Variants in COLEC12 observed in about 807,000 individuals in gnomAD.
COLEC12 encodes collectin subfamily member 12.
Under a neutral mutation model 71.1 loss-of-function variants are expected in COLEC12, and 33 were observed. The observed-to-expected ratio is 0.46, with a 90% CI of 0.35 to 0.62. COLEC12 has a LOEUF of 0.62. Among genes scored for constraint, COLEC12 ranks in the 20% least tolerant of loss-of-function variants. COLEC12 has a pLI of 0.00. For missense variants in COLEC12, 765 were observed against 916.1 expected, an observed-to-expected ratio of 0.84 and a Z score of 2.13; for synonymous variants, 350 against 353.0, an observed-to-expected ratio of 0.99 and a Z score of 0.10.
intron 2 of COLEC12, among the ~76,000 whole-genome samples, chr18:389,598 T>A (rs571813396): frequency 8.6e-5 from 13 of 151,682 alleles, no homozygotes; most frequent in East Asian, 3.9e-4. Flanking sequence ...GCAATTTTTT[T>A]AAAAAAAGAT....
chr18:481,427 G>A (rs778795651), intron 1 of COLEC12, among the ~76,000 whole-genome samples: 11 of 152,322 alleles, frequency 7.2e-5, no homozygotes, highest in Non-Finnish European at 1.2e-4. Context: ...GATGTCGGCC[G>A]GGCGCAGTGG....
intron 2 of COLEC12, among the ~76,000 whole-genome samples, chr18:440,704 C>A (rs1404743536): frequency 6.6e-6 from 1 of 152,128 alleles, no homozygotes; most frequent in Non-Finnish European, 1.5e-5. Flanking sequence ...ATTCAGAGGG[C>A]CAACTGCAAT....
In COLEC12 at chr18:319,883, G is replaced by C. The variant is rs1567871317; in HGVS notation, c.*162C>G. On this transcript the variant is annotated 3_prime_UTR_variant, in exon 10 of 10. Transcript: ENST00000400256. ...AACATTTTAGTTCCCAAGTCTTTGG[G>C]TAATGACGGATGGTAAAAAACACTA... 2 of 638,730 alleles carry C rather than the reference G, an allele frequency of 3.1e-6. No individual in the cohort carries two copies. The highest frequency in any genetic ancestry group is 5.6e-6 in the Non-Finnish European group (2 of 358,920). 39.6% of individuals were successfully genotyped at this position (638,730 alleles called of 1,614,324 possible).
rs1428239643 is a variant in COLEC12, at chr18:410,798, AT to A, written c.59-53277del. 6.6e-5 allele frequency among the ~76,000 whole-genome samples: 10 copies of A among 152,272 alleles called. No individual in the cohort carries two copies. The East Asian group carries it at 1.7e-3, about 26-fold the overall frequency. On this transcript the variant is annotated intron_variant, in intron 2 of 9. Transcript: ENST00000400256. ...GCCAAAGAGCACAGACAAAAAAAAA[AT>A]ATCCGAAAAAAGCTCATCTCTTCAG...
chr18:409,657 C>T (rs1443085365), intron 2 of COLEC12, among the ~76,000 whole-genome samples: 3 of 152,186 alleles, frequency 2.0e-5, no homozygotes, highest in East Asian at 1.9e-4. Context: ...ATCATGAACA[C>T]ACTTTATATA....
At chr18:324,397 T>C (rs1172712950) in intron 8 of COLEC12, among the ~76,000 whole-genome samples, 3 of 152,150 alleles carry the variant, frequency 2.0e-5, no homozygotes, top group African/African-American at 7.2e-5. Context: ...AAGTGAGCGG[T>C]AGCAGCACAT....
intron 2 of COLEC12, among the ~76,000 whole-genome samples, chr18:432,801 G>A (rs16944459): frequency 0.1 from 15,906 of 152,044 alleles, 1,322 homozygotes; most frequent in East Asian, 0.39. Context: ...CAACCCTTCC[G>A]GCGCTCACCT....
chr18:350,972 A>AG (rs987894238), intron 3 of COLEC12, among the ~76,000 whole-genome samples: 2 of 151,982 alleles, frequency 1.3e-5, no homozygotes, highest in African/African-American at 4.8e-5. Context: ...AAAAAAAAAA[A>AG]AAAAAGACTT....
intron 2 of COLEC12, among the ~76,000 whole-genome samples, chr18:433,963 CA>C (rs11395419): frequency 3.5e-3 from 449 of 130,140 alleles, no homozygotes; most frequent in African/African-American, 0.011. Flanking sequence ...GACCCTGCCT[CA>C]AAAAAAAAAA....
chr18:378,295 C>T (rs2143553015), intron 2 of COLEC12, among the ~76,000 whole-genome samples: 1 of 152,298 alleles, frequency 6.6e-6, no homozygotes, highest in African/African-American at 2.4e-5. Flanking sequence ...CTGCACAGAG[C>T]TGAGGGCACA....
chr18:421,931 A>T (rs1916106295), intron 2 of COLEC12, among the ~76,000 whole-genome samples: 3 of 152,212 alleles, frequency 2.0e-5, no homozygotes, highest in Admixed American at 2.0e-4. Context: ...TTTGGATACC[A>T]ATCTACAGGA....
At chr18:366,704 G>C (rs540551149) in intron 2 of COLEC12, among the ~76,000 whole-genome samples, 1 of 152,170 alleles carries the variant, frequency 6.6e-6, no homozygotes, top group Non-Finnish European at 1.5e-5. Context: ...GTGGGCCCTC[G>C]CTTCCAGGAG....
Position 348,127 on chromosome 18 carries a change from T to C in COLEC12, c.218A>G (p.Glu73Gly). ...EKMDNVTGGM[E>G]TSRQTYDDKL... Reference sequence around the variant, plus strand: ...GTCATCATAGGTTTGGCGAGATGTTTCCATGCCACCTGTGACATTGTCCAT... The same window carrying C: ...GTCATCATAGGTTTGGCGAGATGTTCCCATGCCACCTGTGACATTGTCCAT... Residue 73 changes from glutamate (E) to glycine (G), a missense_variant, in exon 4 of 10, where the codon GAA (glutamate) becomes GGA (glycine). Coordinates refer to ENST00000400256, the MANE Select transcript of COLEC12 (RefSeq NM_130386.3). 1.2e-6 allele frequency: 2 copies of C among 1,614,002 alleles called. No homozygotes were observed. Among genetic ancestry groups the C allele is most frequent in the Non-Finnish European group, 1.7e-6 (2 of 1,179,878 alleles).
chr18:436,577 T>C (rs1220495879), intron 2 of COLEC12, among the ~76,000 whole-genome samples: 1 of 151,080 alleles, frequency 6.6e-6, no homozygotes, highest in Non-Finnish European at 1.5e-5. Flanking sequence ...ATTTGGAGTT[T>C]TATGTTATAA....
chr18:338,799 T>C (rs767660131), intron 5 of COLEC12, among the ~76,000 whole-genome samples: 6 of 152,212 alleles, frequency 3.9e-5, no homozygotes, highest in Non-Finnish European at 7.3e-5. Context: ...ACTGACAATT[T>C]AGGCCAAAAC....
intron 2 of COLEC12, among the ~76,000 whole-genome samples, chr18:456,731 G>C (rs547481370): frequency 6.6e-6 from 1 of 152,334 alleles, no homozygotes; most frequent in African/African-American, 2.4e-5. Context: ...AGAGCAGCCC[G>C]CTGACTGAGC....
rs1913987464 is a variant in COLEC12, at chr18:331,747, C to G, written c.1984G>C (p.Glu662Gln). 6.2e-7 allele frequency: 1 copy of G among 1,613,932 alleles called. No homozygotes were observed. The highest frequency in any genetic ancestry group is 8.5e-7 in the Non-Finnish European group (1 of 1,179,768). ...QWIKKQMVGRESHWIGLTDSE... is the reference protein window; with the variant it reads ...QWIKKQMVGRQSHWIGLTDSE... ...TCTGTGAGGCCGATCCAGTGGCTCT[C>G]TCTCCCTACCATCTGTTTTTTTATC... is the stretch of plus-strand genomic sequence containing the variant. The change falls in exon 8 of 10, where the codon GAG (glutamate) becomes CAG (glutamine). Residue 662 changes from glutamate to glutamine, a missense_variant. Transcript: ENST00000400256.
Position 500,336 on chromosome 18 carries a change from G to A in COLEC12, c.7+172C>T, listed in dbSNP as rs1917796842. Among the ~76,000 whole-genome samples, 2 of 151,942 alleles carry A rather than the reference G, an allele frequency of 1.3e-5. No individual in the cohort carries two copies. The highest frequency in any genetic ancestry group is 2.9e-5 in the Non-Finnish European group (2 of 67,940). On this transcript the variant is annotated intron_variant, in intron 1 of 9. Transcript: ENST00000400256. This position sits in a 1 kb window ranked among gnomAD's most constrained non-coding sequence, Gnocchi z 5.3. ...GAGGTCTCCAGCCGCGCCTGACCCG[G>A]GAGCCGGGTGCGCCCCCAGTGTCCG...
chr18:417,843 TAGAG>T (rs56073439), intron 2 of COLEC12, among the ~76,000 whole-genome samples: 21 of 152,142 alleles, frequency 1.4e-4, no homozygotes, highest in Non-Finnish European at 2.2e-4. Flanking sequence ...TGTCCACAAT[TAGAG>T]AGTGTTCCCC....
Sources: allele counts gnomAD v4.1 joint callset (sites outside exome capture counted in the v4.1 genomes callset), GRCh38; gene constraint gnomAD v4.1.1; non-coding constraint Gnocchi (gnomAD v3.1); transcripts MANE v1.5; gene names NCBI Gene and HGNC (gene_info 2026-07-23, HGNC 2026-07-21).